Variants in ASTN2 observed in about 807,000 individuals in gnomAD.
ASTN2 encodes astrotactin-2.
In ASTN2, 54 loss-of-function variants were observed where a neutral mutation model predicts 139.8. That is an observed-to-expected ratio of 0.39 (90% confidence interval 0.31 to 0.48). The LOEUF (loss-of-function observed/expected upper bound fraction) is 0.48. Ranked by LOEUF, ASTN2 falls within the 20% of genes least tolerant of loss-of-function variation. The pLI is 0.95. For missense variants in ASTN2, 1,565 were observed against 1,725.1 expected (o/e 0.91, Z 1.64); for synonymous variants, 756 against 719.5 (o/e 1.05, Z -0.81).
At chr9:117,193,220 C>G (rs1831394746) in intron 3 of ASTN2, among the ~76,000 whole-genome samples, 1 of 152,158 alleles carries the variant, frequency 6.6e-6, no homozygotes, top group African/African-American at 2.4e-5. Flanking sequence ...CAGGACAGAA[C>G]TATGAGCCTT....
intron 19 of ASTN2, among the ~76,000 whole-genome samples, chr9:116,524,051 G>T (rs530248187): frequency 6.6e-6 from 1 of 152,194 alleles, no homozygotes; most frequent in African/African-American, 2.4e-5. Flanking sequence ...CTTAGATTTG[G>T]ACTGAACTAT....
chr9:117,046,000 G>GTACGTACGTACA (rs1838731363), intron 5 of ASTN2, among the ~76,000 whole-genome samples: 1 of 148,710 alleles, frequency 6.7e-6, no homozygotes, highest in Non-Finnish European at 1.5e-5. Context: ...ACGTATGTAT[G>GTACGTACGTACA]TATGTATGTA....
At chr9:116,645,357 G>GT (rs1283941106) in intron 17 of ASTN2, among the ~76,000 whole-genome samples, 3 of 152,148 alleles carry the variant, frequency 2.0e-5, no homozygotes, top group Non-Finnish European at 4.4e-5. Flanking sequence ...TTCATAAAGA[G>GT]TTTTTCCCTG....
intron 2 of ASTN2, among the ~76,000 whole-genome samples, chr9:117,252,549 C>A (rs1833567560): frequency 1.3e-5 from 2 of 152,058 alleles, no homozygotes; most frequent in South Asian, 4.2e-4. Flanking sequence ...CCCAGTGTCT[C>A]CCAACTATGT....
chr9:117,114,311 G>A (rs114148852), intron 4 of ASTN2, among the ~76,000 whole-genome samples: 3,601 of 152,048 alleles, frequency 0.024, 123 homozygotes, highest in African/African-American at 0.076. Context: ...TCAGACTTAC[G>A]GGCAGAGCAG....
chr9:117,330,164 G>T (rs1828655256), intron 1 of ASTN2, among the ~76,000 whole-genome samples: 1 of 152,158 alleles, frequency 6.6e-6, no homozygotes. Context: ...AGAAGAGCCT[G>T]CCCAAGTCAA....
intron 11 of ASTN2, among the ~76,000 whole-genome samples, chr9:116,841,900 AT>A (rs1461943906): frequency 1.3e-5 from 2 of 152,174 alleles, no homozygotes; most frequent in African/African-American, 2.4e-5. Context: ...ATGGTTAGGC[AT>A]TTCTTCCATG....
rs73655569 is a variant in ASTN2, at chr9:116,987,187, G to A, written c.1592-10402C>T. On this transcript the variant is annotated intron_variant, in intron 7 of 22. Coordinates refer to ENST00000313400, the MANE Select transcript of ASTN2 (RefSeq NM_001365068.1). ...ATATTGAGTTGTAATCCCCAGTGCT[G>A]GGGGAAGGATCCAGAGGGAGGTGAT... Among the ~76,000 whole-genome samples the A allele has an allele frequency of 2.4e-3, 369 of 152,334 alleles. 3 individuals carry two copies. Among genetic ancestry groups the A allele is most frequent in the African/African-American group, 8.0e-3 (333 of 41,562 alleles).
chr9:117,394,900 T>G (rs927504287), intron 1 of ASTN2, among the ~76,000 whole-genome samples: 1 of 152,044 alleles, frequency 6.6e-6, no homozygotes, highest in African/African-American at 2.4e-5. Context: ...CCTTTGGGAA[T>G]GATTCTTCAA....
chr9:117,234,519 C>A (rs900652935), intron 2 of ASTN2, among the ~76,000 whole-genome samples: 1 of 152,154 alleles, frequency 6.6e-6, no homozygotes, highest in Non-Finnish European at 1.5e-5. Flanking sequence ...TCAGAACGGA[C>A]AGGAACTCAG....
intron 16 of ASTN2, among the ~76,000 whole-genome samples, chr9:116,712,740 A>C (rs1406601252): frequency 1.3e-5 from 2 of 152,174 alleles, no homozygotes. Flanking sequence ...TCTAGACTCA[A>C]CCCGAACTTT....
intron 10 of ASTN2, among the ~76,000 whole-genome samples, chr9:116,945,326 C>T (rs1410525252): frequency 6.6e-6 from 1 of 152,138 alleles, no homozygotes; most frequent in Non-Finnish European, 1.5e-5. Context: ...CTGAGTCACA[C>T]ATGCAAATGG....
intron 13 of ASTN2, among the ~76,000 whole-genome samples, chr9:116,787,690 T>C (rs1315696433): frequency 6.6e-6 from 1 of 152,212 alleles, no homozygotes. Flanking sequence ...CCTCTCTCCT[T>C]CCTCTATTGC....
intron 2 of ASTN2, among the ~76,000 whole-genome samples, chr9:117,285,509 A>C (rs930499984): frequency 2.0e-5 from 3 of 152,202 alleles, no homozygotes; most frequent in Non-Finnish European, 4.4e-5. Context: ...AAACAAAGCT[A>C]CTGAATAAGA....
intron 10 of ASTN2, among the ~76,000 whole-genome samples, chr9:116,951,105 A>T (rs1053820594): frequency 6.6e-6 from 1 of 152,102 alleles, no homozygotes; most frequent in Non-Finnish European, 1.5e-5. Context: ...TGGGAGGCTG[A>T]GGTGGGTGGA....
intron 15 of ASTN2, 86 bp downstream of exon 15, chr9:116,728,906 C>T: frequency 9.1e-7 from 1 of 1,102,344 alleles, no homozygotes; most frequent in African/African-American, 1.5e-5. Context: ...CCCCAGTGCT[C>T]TCATATGCCC....
At chr9:117,017,440 G>A (rs1837745895) in intron 6 of ASTN2, among the ~76,000 whole-genome samples, 1 of 152,140 alleles carries the variant, frequency 6.6e-6, no homozygotes, top group South Asian at 2.1e-4. Context: ...CTCCATGTCA[G>A]TTGCTCAAGT....
chr9:116,727,698 C>T (rs1828668592), intron 15 of ASTN2, among the ~76,000 whole-genome samples: 1 of 152,044 alleles, frequency 6.6e-6, no homozygotes, highest in African/African-American at 2.4e-5. Context: ...GGGTCTTATC[C>T]AGGCAGACAA....
At position 116,903,726 on chromosome 9, in the gene ASTN2, G is replaced by T. The variant is rs575505197; in HGVS notation, c.1890-39993C>A. On this transcript the variant is annotated intron_variant, in intron 10 of 22. Transcript: ENST00000313400. Reference sequence around the variant, plus strand: ...GGGAAAGAGCTCAGCCCAGGGTGTGGCATGTGAGAGTCATGAGGCTGTATT... The same window carrying T: ...GGGAAAGAGCTCAGCCCAGGGTGTGTCATGTGAGAGTCATGAGGCTGTATT... 9.2e-5 allele frequency among the ~76,000 whole-genome samples: 14 copies of T among 152,234 alleles called. No homozygotes were observed. In the South Asian group the frequency reaches 2.9e-3, roughly 32 times the overall value.
Sources: gnomAD v4.1 joint callset for allele counts (sites outside exome capture counted in the v4.1 genomes callset) on GRCh38, gnomAD v4.1.1 for gene constraint, MANE v1.5 for transcripts, NCBI Gene and HGNC (gene_info 2026-07-23, HGNC 2026-07-21) for gene names.